The following AP4S1 variants were observed in gnomAD, a reference collection of about 807,000 sequenced individuals.
AP4S1 encodes the protein AP-4 complex subunit sigma-1.
In AP4S1, 23 loss-of-function variants were observed where a neutral mutation model predicts 19.8. The observed-to-expected ratio is 1.16, with a 90% CI of 0.84 to 1.65. The LOEUF is 1.65. Ranked by LOEUF, AP4S1 falls within the 40% of genes most tolerant of loss-of-function variation. The pLI is 0.00. For synonymous variants in AP4S1, 46 were observed against 54.1 expected, an observed-to-expected ratio of 0.85 and a Z score of 0.66; for missense variants, 166 against 172.8, an observed-to-expected ratio of 0.96 and a Z score of 0.22.
intron 5 of AP4S1, 173 bp downstream of exon 5, chr14:31,080,757 C>A: frequency 1.2e-6 from 1 of 858,502 alleles, no homozygotes; most frequent in Non-Finnish European, 2.0e-6. Context: ...TCCCCAACTT[C>A]GTCACCCTGC....
intron 1 of AP4S1, among the ~76,000 whole-genome samples, chr14:31,053,392 A>G (rs891818247): frequency 6.6e-6 from 1 of 152,098 alleles, no homozygotes; most frequent in East Asian, 1.9e-4. Context: ...ACCAAAGGTC[A>G]AGTCCTGGAA....
At chr14:31,045,281 C>T (rs1285342856) in intron 1 of AP4S1, among the ~76,000 whole-genome samples, 1 of 152,136 alleles carries the variant, frequency 6.6e-6, no homozygotes, top group African/African-American at 2.4e-5. Context: ...TTACCACATA[C>T]CGTTTGATAT....
chr14:31,063,400 C>T (rs1886548244), intron 1 of AP4S1, among the ~76,000 whole-genome samples: 1 of 151,786 alleles, frequency 6.6e-6, no homozygotes, highest in African/African-American at 2.4e-5. Context: ...CACCATTGCA[C>T]TCCAGCCTGG....
At chr14:31,090,838 G>T (rs772361025) in intron 5 of AP4S1, among the ~76,000 whole-genome samples, 2 of 152,198 alleles carry the variant, frequency 1.3e-5, no homozygotes, top group African/African-American at 2.4e-5. Flanking sequence ...CAGCTTTCAG[G>T]CCTTTGCCTC....
At chr14:31,078,778 A>T (rs1887493167) in intron 4 of AP4S1, among the ~76,000 whole-genome samples, 1 of 152,222 alleles carries the variant, frequency 6.6e-6, no homozygotes, top group South Asian at 2.1e-4. Context: ...CCAGGTGATT[A>T]TGCAGGACTT....
rs112838601 is a variant in AP4S1, at chr14:31,068,738, T to C, written c.139-1105T>C. Among the ~76,000 whole-genome samples, 1,380 of 152,356 alleles carry C rather than the reference T, an allele frequency of 9.1e-3. 17 individuals are homozygous for C. The highest frequency in any genetic ancestry group is 0.031 in the African/African-American group (1,305 of 41,588). On this transcript the variant is annotated intron_variant, in intron 2 of 5. Coordinates refer to ENST00000542754, the MANE Select transcript of AP4S1 (RefSeq NM_001128126.3). The stretch of plus-strand genomic sequence containing the variant: ...ATTTTAGATTTTAAAAGGAGCCCAC[T>C]GGGCTTTTGGCATAATCAGGCACCA...
At chr14:31,083,361 A>T in intron 5 of AP4S1, 1 of 420,878 alleles carries the variant, frequency 2.4e-6, no homozygotes, top group South Asian at 1.7e-5. Context: ...CATCATTTAG[A>T]GAGGAGAACT....
Position 31,085,495 on chromosome 14 carries a change from C to T in AP4S1, c.306+4911C>T, listed in dbSNP as rs562107752. On this transcript the variant is annotated intron_variant, in intron 5 of 5. Transcript: ENST00000542754. ...TCTTGATTTAAAGACATCTTTAGAC[C>T]GGGCACAGTGGCTCACGCCAGTAAT... The T allele has an allele frequency of 5.4e-5, 53 of 985,940 alleles. No individual in the cohort carries two copies. In the East Asian group the frequency reaches 6.8e-4, roughly 13 times the overall value. 61.1% of individuals were successfully genotyped at this position (985,940 alleles called of 1,614,324 possible). A position where few individuals can be genotyped will look rare whatever the true frequency, so the allele number is the denominator to read the frequency against.
At chr14:31,079,717 T>G (rs549511608) in intron 4 of AP4S1, among the ~76,000 whole-genome samples, 1 of 152,112 alleles carries the variant, frequency 6.6e-6, no homozygotes, top group African/African-American at 2.4e-5. Context: ...TCCCAGCTAC[T>G]TGGGAGGCAG....
intron 1 of AP4S1, among the ~76,000 whole-genome samples, chr14:31,053,359 G>A (rs1024033795): frequency 2.0e-5 from 3 of 152,100 alleles, no homozygotes; most frequent in Admixed American, 6.6e-5. Context: ...ATAGGCCCCC[G>A]GGATGATGGC....
chr14:31,090,346 T>TA (rs749975835), intron 5 of AP4S1, among the ~76,000 whole-genome samples: 11 of 152,224 alleles, frequency 7.2e-5, no homozygotes, highest in Non-Finnish European at 1.5e-4. Context: ...CCAGGAGCCC[T>TA]ACGATGTTCA....
At chr14:31,040,947 G>T (rs1230275873) in intron 1 of AP4S1, among the ~76,000 whole-genome samples, 1 of 151,516 alleles carries the variant, frequency 6.6e-6, no homozygotes, top group Non-Finnish European at 1.5e-5. Flanking sequence ...GGTGGCGGGT[G>T]CCTGTAAGTC....
chr14:31,047,867 G>C (rs1885512055), intron 1 of AP4S1, among the ~76,000 whole-genome samples: 1 of 152,014 alleles, frequency 6.6e-6, no homozygotes, highest in Admixed American at 6.6e-5. Context: ...GTAGAGATGA[G>C]GGTTTTGCCA....
chr14:31,048,187 A>G (rs1885531530), intron 1 of AP4S1, among the ~76,000 whole-genome samples: 2 of 145,994 alleles, frequency 1.4e-5, no homozygotes, highest in African/African-American at 5.1e-5. Context: ...CCCGTCTCCC[A>G]GGTTCAAGTG....
intron 1 of AP4S1, among the ~76,000 whole-genome samples, chr14:31,046,454 A>G (rs557284490): frequency 6.6e-6 from 1 of 152,236 alleles, no homozygotes; most frequent in Admixed American, 6.5e-5. Flanking sequence ...GTTCCCCTTA[A>G]TTGATGAATA....
chr14:31,037,909 A>G (rs1222229468), intron 1 of AP4S1, among the ~76,000 whole-genome samples: 2 of 152,236 alleles, frequency 1.3e-5, no homozygotes, highest in Non-Finnish European at 2.9e-5. Context: ...CTATGATCAC[A>G]CCACTATACT....
intron 1 of AP4S1, among the ~76,000 whole-genome samples, chr14:31,045,424 T>C (rs1453857011): frequency 6.6e-6 from 1 of 152,118 alleles, no homozygotes; most frequent in African/African-American, 2.4e-5. Context: ...CTTGTGATAG[T>C]GAGCGAGTGT....
At chr14:31,070,782 GT>G (rs561787718) in intron 3 of AP4S1, among the ~76,000 whole-genome samples, 24 of 152,332 alleles carry the variant, frequency 1.6e-4, no homozygotes, top group Middle Eastern at 3.4e-3. Flanking sequence ...GCCGGGCGCG[GT>G]GGCCCATGCC....
chr14:31,067,262 TTTTAA>T (rs973189481), intron 2 of AP4S1, among the ~76,000 whole-genome samples: 8 of 152,172 alleles, frequency 5.3e-5, no homozygotes, highest in African/African-American at 1.7e-4. Flanking sequence ...GTCCTTTTTT[TTTTAA>T]TTTAATAGTT....
Sources: allele counts gnomAD v4.1 joint callset (sites outside exome capture counted in the v4.1 genomes callset), GRCh38; gene constraint gnomAD v4.1.1; transcripts MANE v1.5; gene names NCBI Gene and HGNC (gene_info 2026-07-23, HGNC 2026-07-21).